The following ANO2 variants were observed in gnomAD, a reference collection of about 807,000 sequenced individuals.
The protein encoded by ANO2 is anoctamin 2.
ANO2 carries 101 observed loss-of-function variants against 124.2 expected under a neutral mutation model. That is an observed-to-expected ratio of 0.81 (90% CI 0.69 to 0.96). The LOEUF (loss-of-function observed/expected upper bound fraction) is 0.96, where lower values mean the gene tolerates loss of function less well. Ranked by LOEUF, ANO2 falls within the 40% of genes least tolerant of loss-of-function variation. The pLI is 0.00. For synonymous variants in ANO2, 486 were observed against 482.5 expected (o/e 1.01, Z -0.09); for missense variants, 1,293 against 1,274.5 (o/e 1.01, Z -0.22).
chr12:5,640,471 T>C (rs1228477851), intron 15 of ANO2, among the ~76,000 whole-genome samples: 3 of 152,130 alleles, frequency 2.0e-5, no homozygotes, highest in Non-Finnish European at 4.4e-5. Context: ...ATTTTTGCAA[T>C]CTGCCCATCT....
At chr12:5,654,530 T>C (rs1565527119) in intron 14 of ANO2, among the ~76,000 whole-genome samples, 1 of 152,152 alleles carries the variant, frequency 6.6e-6, no homozygotes, top group African/African-American at 2.4e-5. Context: ...TACTCTTCTG[T>C]CTATGAGAGC....
intron 4 of ANO2, among the ~76,000 whole-genome samples, chr12:5,841,944 G>A (rs1228296438): frequency 1.3e-5 from 2 of 151,974 alleles, no homozygotes; most frequent in African/African-American, 2.4e-5. Context: ...ATTATAGCTC[G>A]CTGCAGCCTC....
At chr12:5,793,623 T>C (rs1952759504) in intron 10 of ANO2, among the ~76,000 whole-genome samples, 2 of 152,166 alleles carry the variant, frequency 1.3e-5, no homozygotes, top group Non-Finnish European at 2.9e-5. Flanking sequence ...CAGGTGGCCA[T>C]GGGGAACTTG....
At chr12:5,612,861 G>A in intron 18 of ANO2, 40 bp downstream of exon 18, 1 of 1,612,488 alleles carries the variant, frequency 6.2e-7, no homozygotes, top group Non-Finnish European at 8.5e-7. Flanking sequence ...ATGGGGCTGG[G>A]TTGGGGTGCC....
At chr12:5,604,158 G>A (rs1944093454) in intron 19 of ANO2, among the ~76,000 whole-genome samples, 1 of 152,102 alleles carries the variant, frequency 6.6e-6, no homozygotes, top group Non-Finnish European at 1.5e-5. Flanking sequence ...ATGGTGGATC[G>A]TACACAGAAG....
chr12:5,735,318 C>A (rs1005069638), intron 13 of ANO2, among the ~76,000 whole-genome samples: 1 of 152,104 alleles, frequency 6.6e-6, no homozygotes, highest in Non-Finnish European at 1.5e-5. Flanking sequence ...TCAGTCTCCC[C>A]AGGAGCCAGC....
At chr12:5,758,810 T>G (rs1951655264) in intron 10 of ANO2, among the ~76,000 whole-genome samples, 1 of 152,212 alleles carries the variant, frequency 6.6e-6, no homozygotes. Flanking sequence ...TGTCATTTTA[T>G]ACACAATGTA....
chr12:5,864,286 C>T (rs1278795489), intron 3 of ANO2, among the ~76,000 whole-genome samples: 1 of 152,208 alleles, frequency 6.6e-6, no homozygotes, highest in African/African-American at 2.4e-5. Context: ...CCAGATGCAA[C>T]ATTTCTACCA....
chr12:5,795,589 G>C (rs567370084), intron 10 of ANO2, among the ~76,000 whole-genome samples: 1 of 152,318 alleles, frequency 6.6e-6, no homozygotes, highest in South Asian at 2.1e-4. Flanking sequence ...TCACAGGCAG[G>C]CAGTGGCAGC....
intron 10 of ANO2, among the ~76,000 whole-genome samples, chr12:5,790,461 TTC>T: frequency 6.6e-6 from 1 of 152,204 alleles, no homozygotes; most frequent in East Asian, 1.9e-4. Flanking sequence ...CTCAAGTCTC[TTC>T]TCTCAACATT....
chr12:5,728,039 C>G (rs1047715656), intron 14 of ANO2, among the ~76,000 whole-genome samples: 4 of 152,138 alleles, frequency 2.6e-5, no homozygotes, highest in Non-Finnish European at 5.9e-5. Context: ...ATCTCTTGAC[C>G]TCATGATCCG....
At chr12:5,770,236 A>G (rs1952034942) in intron 10 of ANO2, among the ~76,000 whole-genome samples, 1 of 149,646 alleles carries the variant, frequency 6.7e-6, no homozygotes, top group Non-Finnish European at 1.5e-5. Context: ...TGCCAGTTAT[A>G]TGATTTGCCC....
At chr12:5,639,260 C>T (rs888896030) in intron 15 of ANO2, among the ~76,000 whole-genome samples, 11 of 152,134 alleles carry the variant, frequency 7.2e-5, no homozygotes, top group East Asian at 1.9e-4. Flanking sequence ...TACAGGCACG[C>T]GCACACACTA....
chr12:5,851,413 T>TGTGGTGG (rs1302931196), intron 4 of ANO2, among the ~76,000 whole-genome samples: 1 of 151,946 alleles, frequency 6.6e-6, no homozygotes, highest in Non-Finnish European at 1.5e-5. Flanking sequence ...TCTGGCTGGG[T>TGTGGTGG]GTGGTGGCTC....
intron 11 of ANO2, among the ~76,000 whole-genome samples, chr12:5,748,846 C>G (rs1221172031): frequency 2.0e-5 from 3 of 147,656 alleles, no homozygotes. Context: ...TCCCCTCTCC[C>G]CCTTCCTTTT....
intron 15 of ANO2, among the ~76,000 whole-genome samples, chr12:5,641,625 T>C (rs417672): frequency 0.41 from 61,826 of 152,112 alleles, 13,824 homozygotes; most frequent in African/African-American, 0.58. Flanking sequence ...AAGGGGGCTC[T>C]CCCCATTCCC....
intron 14 of ANO2, among the ~76,000 whole-genome samples, chr12:5,723,943 G>C (rs1361088842): frequency 6.6e-6 from 1 of 152,106 alleles, no homozygotes; most frequent in Non-Finnish European, 1.5e-5. Context: ...ACTGGTCTGA[G>C]AGCACAGGGG....
In ANO2 at chr12:5,636,814, T is replaced by C. The variant is rs1481684823; in HGVS notation, c.1621-1467A>G. ...AATGGGTGGCAGATGTGTCCAGGTA[T>C]GGATGTTTTCAGACCTCTGGGGGGT... On this transcript the variant is annotated intron_variant, in intron 15 of 24. Transcript: ENST00000682330. The surrounding 1 kb of genome is among the most constrained non-coding windows in gnomAD (Gnocchi z 4.6). Among the ~76,000 whole-genome samples the C allele has an allele frequency of 6.6e-6, 1 of 152,052 alleles. No individual in the cohort carries two copies. Among genetic ancestry groups the C allele is most frequent in the Admixed American group, 6.5e-5 (1 of 15,270 alleles).
chr12:5,668,487 C>T (rs1457461627), intron 14 of ANO2, among the ~76,000 whole-genome samples: 4 of 152,028 alleles, frequency 2.6e-5, no homozygotes, highest in African/African-American at 9.7e-5. Context: ...TTTTCTCCCA[C>T]TCTGTAGGCT....
Sources: allele counts gnomAD v4.1 joint callset (sites outside exome capture counted in the v4.1 genomes callset), GRCh38; gene constraint gnomAD v4.1.1; non-coding constraint Gnocchi (gnomAD v3.1); transcripts MANE v1.5; gene names NCBI Gene and HGNC (gene_info 2026-07-23, HGNC 2026-07-21).